Variants in RAD54B observed in about 807,000 individuals in gnomAD.
RAD54B encodes the protein RAD54 homolog B.
A neutral mutation model predicts 95.8 loss-of-function variants in RAD54B; 78 were observed. That is an observed-to-expected ratio of 0.81 (90% CI 0.68 to 0.98). The LOEUF (loss-of-function observed/expected upper bound fraction) is 0.98. RAD54B is among the 50% of genes least tolerant of loss of function. The pLI is 0.00. For missense variants in RAD54B, 957 were observed against 1,056.6 expected (o/e 0.91, Z 1.31); for synonymous variants, 328 against 354.9 (o/e 0.92, Z 0.85).
At chr8:94,374,921 G>C (rs1171313434) in intron 14 of RAD54B, among the ~76,000 whole-genome samples, 1 of 152,070 alleles carries the variant, frequency 6.6e-6, no homozygotes, top group East Asian at 1.9e-4. Flanking sequence ...TTAAACTTAG[G>C]AAAATGCTCA....
chr8:94,423,914 G>A (rs1811880882), intron 3 of RAD54B, among the ~76,000 whole-genome samples: 1 of 152,064 alleles, frequency 6.6e-6, no homozygotes, highest in Admixed American at 6.6e-5. Context: ...GGTTATCCAA[G>A]AGAAAAACAT....
At chr8:94,449,671 T>C (rs1424893004) in intron 3 of RAD54B, among the ~76,000 whole-genome samples, 1 of 150,924 alleles carries the variant, frequency 6.6e-6, no homozygotes, top group Non-Finnish European at 1.5e-5. Context: ...TAACCCAACC[T>C]CCTAGAAATA....
At chr8:94,406,613 G>C (rs953327764) in intron 5 of RAD54B, among the ~76,000 whole-genome samples, 4 of 152,164 alleles carry the variant, frequency 2.6e-5, no homozygotes, top group Non-Finnish European at 5.9e-5. Context: ...GCAAAGTGAA[G>C]AGACGAATCT....
intron 14 of RAD54B, among the ~76,000 whole-genome samples, chr8:94,374,148 A>G (rs540298102): frequency 2.4e-3 from 365 of 152,156 alleles, no homozygotes; most frequent in African/African-American, 7.3e-3. Flanking sequence ...ACGTGGTGGC[A>G]GGCGCCTGTA....
At chr8:94,442,300 A>T (rs192477617) in intron 3 of RAD54B, among the ~76,000 whole-genome samples, 1 of 152,154 alleles carries the variant, frequency 6.6e-6, no homozygotes, top group African/African-American at 2.4e-5. Context: ...AAAGCTGGGC[A>T]CGGTGGCTCA....
intron 14 of RAD54B, among the ~76,000 whole-genome samples, chr8:94,373,520 C>T (rs1810490889): frequency 6.6e-6 from 1 of 152,194 alleles, no homozygotes; most frequent in South Asian, 2.1e-4. Context: ...TGCAGGGTAT[C>T]CCAGCAGAGG....
intron 3 of RAD54B, among the ~76,000 whole-genome samples, chr8:94,444,423 A>AAAC (rs1354018749): frequency 6.6e-6 from 1 of 151,392 alleles, no homozygotes; most frequent in Non-Finnish European, 1.5e-5. Context: ...AAAAAAAAAA[A>AAAC]AACTAAAACT....
intron 3 of RAD54B, among the ~76,000 whole-genome samples, chr8:94,416,729 T>C (rs943133591): frequency 2.0e-5 from 3 of 152,088 alleles, no homozygotes; most frequent in African/African-American, 7.2e-5. Context: ...AGTCAGATAA[T>C]AAACAAGTGT....
chr8:94,438,449 G>C (rs563494398), intron 3 of RAD54B, among the ~76,000 whole-genome samples: 1 of 152,112 alleles, frequency 6.6e-6, no homozygotes, highest in Non-Finnish European at 1.5e-5. Context: ...TGTCCATAGA[G>C]ATGCAAAAAG....
chr8:94,398,374 C>G (rs1811193201), intron 8 of RAD54B, among the ~76,000 whole-genome samples: 1 of 152,068 alleles, frequency 6.6e-6, no homozygotes, highest in South Asian at 2.1e-4. Context: ...TAGTCTTCCC[C>G]ACCCCAACAC....
At chr8:94,426,471 A>G (rs992080608) in intron 3 of RAD54B, among the ~76,000 whole-genome samples, 4 of 152,208 alleles carry the variant, frequency 2.6e-5, no homozygotes, top group Admixed American at 6.5e-5. Context: ...CCATCAAAAG[A>G]TAATGGATAA....
chr8:94,396,420 T>G (rs921574525), intron 8 of RAD54B, among the ~76,000 whole-genome samples: 33 of 151,724 alleles, frequency 2.2e-4, no homozygotes, highest in Non-Finnish European at 5.9e-5. Context: ...TGTTTTTTGG[T>G]TTGTTTTTTT....
Position 94,469,745 on chromosome 8 carries a change from T to C in RAD54B, c.-16-2190A>G, listed in dbSNP as rs547148644. Among the ~76,000 whole-genome samples the C allele has an allele frequency of 2.0e-5, 3 of 152,368 alleles. No individual in the cohort carries two copies. The South Asian group carries it at 6.2e-4, about 32-fold the overall frequency. ...ATGACTATAATGTGTCTGGCAACAG[T>C]GACAGATACATTACCATCACTAACA... is the stretch of plus-strand genomic sequence containing the variant. On this transcript the variant is annotated intron_variant, in intron 1 of 14. Coordinates refer to ENST00000336148, the MANE Select transcript of RAD54B (RefSeq NM_012415.3).
In RAD54B at chr8:94,381,632, T is replaced by A. The variant is rs145094297; in HGVS notation, c.1986-1226A>T. Among the ~76,000 whole-genome samples the A allele has an allele frequency of 2.6e-4, 40 of 152,202 alleles. No homozygotes were observed. The East Asian group carries it at 7.1e-3, about 27-fold the overall frequency. ...GGAACAATCAAGAATTAGAAAAATA[T>A]CTTAGAAATGTAAAATGATAGACAA... On this transcript the variant is annotated intron_variant, in intron 11 of 14. Transcript: ENST00000336148.
chr8:94,431,176 C>G, intron 3 of RAD54B: 1 of 914,944 alleles, frequency 1.1e-6, no homozygotes, highest in Non-Finnish European at 1.3e-6. Context: ...TCCATGAATA[C>G]TAAAATAACA....
chr8:94,460,853 G>A (rs954274793), intron 2 of RAD54B, among the ~76,000 whole-genome samples: 2 of 152,016 alleles, frequency 1.3e-5, no homozygotes, highest in Non-Finnish European at 2.9e-5. Context: ...CTCTGACCCT[G>A]CTTCCCTAAT....
At chr8:94,395,837 T>C (rs1265337338) in intron 8 of RAD54B, among the ~76,000 whole-genome samples, 1 of 152,160 alleles carries the variant, frequency 6.6e-6, no homozygotes, top group Non-Finnish European at 1.5e-5. Flanking sequence ...ACACCAAATA[T>C]GGCAGAGCAG....
chr8:94,456,064 T>C (rs994374895), intron 3 of RAD54B, among the ~76,000 whole-genome samples: 2 of 152,184 alleles, frequency 1.3e-5, no homozygotes, highest in East Asian at 1.9e-4. Context: ...CTGAACTGGA[T>C]TGTTCATGAA....
At position 94,387,636 on chromosome 8, in the gene RAD54B, T is replaced by C. The variant is rs373060599; in HGVS notation, c.1810-477A>G. On this transcript the variant is annotated intron_variant, in intron 10 of 14. Transcript: ENST00000336148. ...TACATCCAAAAACAAGCACTATCGTTTACTTAATCTTACCAGTTTCTTCTG... is the reference window on the plus strand; with the variant it reads ...TACATCCAAAAACAAGCACTATCGTCTACTTAATCTTACCAGTTTCTTCTG... Among the ~76,000 whole-genome samples, 9 of 152,194 alleles carry C rather than the reference T, an allele frequency of 5.9e-5. No homozygotes were observed. The East Asian group carries it at 1.7e-3, about 29-fold the overall frequency.
Sources: allele counts gnomAD v4.1 joint callset (sites outside exome capture counted in the v4.1 genomes callset), GRCh38; gene constraint gnomAD v4.1.1; transcripts MANE v1.5; gene names NCBI Gene and HGNC (gene_info 2026-07-23, HGNC 2026-07-21).